TTN: variants seen among roughly 807,000 people sequenced by gnomAD.
TTN encodes connectin.
TTN carries 1,525 observed loss-of-function variants against 3,223.0 expected under a neutral mutation model. The ratio of observed to expected loss-of-function variants is 0.47; its 90% confidence interval spans 0.45 to 0.49. The LOEUF (loss-of-function observed/expected upper bound fraction) is 0.49, where lower values mean the gene tolerates loss of function less well. Ranked by LOEUF, TTN falls within the 20% of genes least tolerant of loss-of-function variation. TTN has a pLI of 0.00. For synonymous variants in TTN, 14,094 were observed against 15,161.0 expected (o/e 0.93, Z 5.17); for missense variants, 40,786 against 43,424.0 (o/e 0.94, Z 5.40).
Position 178,731,584 on chromosome 2 carries a change from C to G in TTN, c.17183-1G>C. 6.3e-7 allele frequency: 1 copy of G among 1,588,922 alleles called. No individual in the cohort carries two copies. The highest frequency in any genetic ancestry group is 2.2e-5 in the East Asian group (1 of 44,470). On this transcript the variant is annotated splice_acceptor_variant, in intron 58 of 362. Coordinates refer to ENST00000589042, the MANE Select transcript of TTN (RefSeq NM_001267550.2). LOFTEE classifies it high-confidence loss of function. Reference sequence around the variant, plus strand: ...ATCTTCTTTATGAAGGATGGGGGTTCTAACAGAAGAATGAATTCTCAATCA... The same window carrying G: ...ATCTTCTTTATGAAGGATGGGGGTTGTAACAGAAGAATGAATTCTCAATCA...
In TTN at chr2:178,720,625, C is replaced by T. The variant is rs778331160; in HGVS notation, c.23137G>A (p.Ala7713Thr). Residue 7713 changes from alanine (A) to threonine (T), a missense_variant, in exon 80 of 363, where the codon GCT becomes ACT. Transcript: ENST00000589042. ...AGAATCACATCAGAACCTTTAAGAGCTCCTACTGGAGAAGGCTTCTGGGTG... is the reference window on the plus strand; with the variant it reads ...AGAATCACATCAGAACCTTTAAGAGTTCCTACTGGAGAAGGCTTCTGGGTG... ...VFTQKPSPVG[A>T]LKGSDVILQC... 3 of 1,607,474 alleles carry T rather than the reference C, an allele frequency of 1.9e-6. No homozygotes were observed. Among genetic ancestry groups the T allele is most frequent in the South Asian group, 2.2e-5 (2 of 89,514 alleles).
rs760530855 is a variant in TTN, at chr2:178,614,103, C to G, written c.49294G>C (p.Gly16432Arg). 2 of 1,612,406 alleles carry G rather than the reference C, an allele frequency of 1.2e-6. No homozygotes were observed. The highest frequency in any genetic ancestry group is 1.3e-5 in the African/African-American group (1 of 74,888). The stretch of plus-strand genomic sequence containing the variant: ...GAGGCCTGAACTGGTTCACCAACAC[C>G]ATACATGTTTTCTGCAGCAACTCTG... ...IFRVAAENMY[G>R]VGEPVQASPI... Residue 16432 changes from glycine (G) to arginine (R), a missense_variant, in exon 262 of 363, where the codon GGT becomes CGT. Transcript: ENST00000589042.
rs753077711 is a variant in TTN, at chr2:178,582,196, C to T, written c.66173G>A (p.Arg22058His). 3.7e-6 allele frequency: 6 copies of T among 1,607,580 alleles called. No homozygotes were observed. Among genetic ancestry groups the T allele is most frequent in the South Asian group, 3.4e-5 (3 of 89,352 alleles). The change falls in exon 315 of 363, where the codon CGC becomes CAC. Residue 22058 changes from arginine (R) to histidine (H), a missense_variant. Arg to His is a conservative substitution (Grantham distance 29, BLOSUM62 0). Coordinates refer to ENST00000589042, the MANE Select transcript of TTN (RefSeq NM_001267550.2). ...GTTGCTAATAACAGGAGGATCACAG[C>T]GTCCTGGTGGGTCTGCAGAAATTGA... ...IAKNPYDPPG[R>H]CDPPVISNIT...
At chr2:178,742,294 ATTG>A (rs1297723127) in intron 47 of TTN, among the ~76,000 whole-genome samples, 1 of 152,132 alleles carries the variant, frequency 6.6e-6, no homozygotes, top group Non-Finnish European at 1.5e-5. Flanking sequence ...AAGATCCAGA[ATTG>A]TTATTTATAT....
Position 178,721,844 on chromosome 2 carries a change from T to TA in TTN, c.22816+2dup. On this transcript the variant is annotated splice_region_variant and intron_variant, in intron 78 of 362. Transcript: ENST00000589042. ...AATATTGTCAAAAGTCATGGAATGA[T>TA]ACCTTTTACACTGAGCTGAGCTGAG... is the stretch of plus-strand genomic sequence containing the variant. 6.5e-7 allele frequency: 1 copy of TA among 1,547,246 alleles called. No individual in the cohort carries two copies. Among genetic ancestry groups the TA allele is most frequent in the Non-Finnish European group, 8.7e-7 (1 of 1,146,304 alleles).
rs878854327 is a variant in TTN at position 178,581,724 on chromosome 2, A to C, written c.66544T>G (p.Tyr22182Asp). The change falls in exon 316 of 363, where the codon TAT becomes GAT. Residue 22182 changes from tyrosine to aspartate, a missense_variant. Transcript: ENST00000589042. ...CCAATGATAGGGCTGCCGCCGTCAT[A>C]GGCTGGCTTGCCCCAAGATAGACTC... Reference protein sequence around the residue: ...SVSLSWGKPAYDGGSPIIGYL... With the variant: ...SVSLSWGKPADDGGSPIIGYL... The C allele has an allele frequency of 3.1e-6, 5 of 1,610,080 alleles. No homozygotes were observed. In the African/African-American group the frequency reaches 6.7e-5, roughly 22 times the overall value.
chr2:178,747,908 C>A (rs150615457), intron 47 of TTN: 2 of 1,613,174 alleles, frequency 1.2e-6, no homozygotes, highest in East Asian at 4.5e-5. Flanking sequence ...GAGTGGGAAG[C>A]ACTGACTCAG....
rs1282647790 is a variant in TTN at position 178,784,277 on chromosome 2, G to A, written c.2568C>T (p.Thr856=). 2 of 1,613,950 alleles carry A rather than the reference G, an allele frequency of 1.2e-6. No homozygotes were observed. Among genetic ancestry groups the A allele is most frequent in the Admixed American group, 1.7e-5 (1 of 60,000 alleles). Reference sequence around the variant, plus strand: ...TCACAGTAGGAGCCTTCACCGATTTGGTGATCTTCTGAGCAGAAGATGTGG... The same window carrying A: ...TCACAGTAGGAGCCTTCACCGATTTAGTGATCTTCTGAGCAGAAGATGTGG... ...LSATSSAQKI[T]KSVKAPTVKP... is the part of the protein sequence containing the mutation. Residue 856 remains threonine (T), a synonymous_variant, in exon 16 of 363, where the codon ACC becomes ACT. Transcript: ENST00000589042.
Position 178,549,416 on chromosome 2 carries a change from G to T in TTN, c.92210C>A (p.Thr30737Asn). The T allele has an allele frequency of 1.9e-6, 3 of 1,613,144 alleles. No individual in the cohort carries two copies. Among genetic ancestry groups the T allele is most frequent in the Non-Finnish European group, 2.5e-6 (3 of 1,179,266 alleles). Residue 30737 changes from threonine (T) to asparagine (N), a missense_variant, in exon 339 of 363, where the codon ACC (threonine) becomes AAC (asparagine). Thr to Asn is a moderately conservative substitution (Grantham distance 65). Transcript: ENST00000589042. The part of the protein sequence containing the change: ...EPSNITGNSI[T>N]LTWARPESDG... ...TGATTCTGGCCTTGCCCATGTCAGG[G>T]TAATGCTGTTGCCTGTTATGTTGCT...
Position 178,722,689 on chromosome 2 carries a change from C to T in TTN, c.22210G>A (p.Ala7404Thr). The change falls in exon 76 of 363, where the codon GCT (alanine) becomes ACT (threonine). Residue 7404 changes from alanine (A) to threonine (T), a missense_variant. By Grantham distance (58) the Ala-to-Thr change is moderately conservative. Transcript: ENST00000589042. ...ATTCTGAACACAGTCTTAGAAGAAG[C>T]AGTTCCTATACTATTTTCTGCTTTG... ...TCKAENSIGT[A>T]SSKTVFRIQE... The T allele has an allele frequency of 6.2e-7, 1 of 1,612,550 alleles. No individual in the cohort carries two copies. The highest frequency in any genetic ancestry group is 1.7e-5 in the Admixed American group (1 of 59,926).
In TTN at chr2:178,613,729, T is replaced by G. The variant is rs762053083; in HGVS notation, c.49532+22A>C. 6.2e-6 allele frequency: 10 copies of G among 1,607,466 alleles called. No individual in the cohort carries two copies. In the Admixed American group the frequency reaches 1.7e-4, roughly 27 times the overall value. ...TTGAATATACTGCTGTCTTAACATC[T>G]TGATGGGGATTCTGAGCATACCTGT... On this transcript the variant is annotated intron_variant, in intron 263 of 362. Coordinates refer to ENST00000589042, the MANE Select transcript of TTN (RefSeq NM_001267550.2).
Position 178,631,066 on chromosome 2 carries a change from G to A in TTN, c.43982C>T (p.Thr14661Ile), listed in dbSNP as rs370339661. Reference sequence around the variant, plus strand: ...GTCAAGTTTTCCTGAGGTCTTATCTGTCCCACAGTCACAGGTGTACTGTCC... The same window carrying A: ...GTCAAGTTTTCCTGAGGTCTTATCTATCCCACAGTCACAGGTGTACTGTCC... ...DIGQYTCDCG[T>I]DKTSGKLDIE... is the part of the protein sequence containing the mutation. The change falls in exon 237 of 363, where the codon ACA becomes ATA. Residue 14661 changes from threonine (T) to isoleucine (I), a missense_variant. Transcript: ENST00000589042. The A allele has an allele frequency of 6.2e-7, 1 of 1,613,122 alleles. No homozygotes were observed. Among genetic ancestry groups the A allele is most frequent in the African/African-American group, 1.3e-5 (1 of 74,874 alleles).
At chr2:178,763,210 C>T (rs1213842471) in intron 43 of TTN, among the ~76,000 whole-genome samples, 2 of 152,076 alleles carry the variant, frequency 1.3e-5, no homozygotes, top group Non-Finnish European at 2.9e-5. Flanking sequence ...GAAGTGGTTC[C>T]ACATATATTG....
At chr2:178,693,533 T>G (rs550797069) in intron 119 of TTN, 76 bp downstream of exon 119, 1 of 1,053,968 alleles carries the variant, frequency 9.5e-7, no homozygotes, top group South Asian at 1.9e-5. Context: ...TATTTAATAC[T>G]AACATAAATG....
chr2:178,803,442 C>T (rs999894180), intron 2 of TTN, among the ~76,000 whole-genome samples: 1 of 151,336 alleles, frequency 6.6e-6, no homozygotes, highest in African/African-American at 2.4e-5. Flanking sequence ...GTCGGTAAGA[C>T]TTATTTTCTA....
chr2:178,589,877 C>G lies in TTN; in HGVS notation c.61848G>C (p.Trp20616Cys). The G allele has an allele frequency of 6.2e-7, 1 of 1,613,406 alleles. No homozygotes were observed. Among genetic ancestry groups the G allele is most frequent in the Non-Finnish European group, 8.5e-7 (1 of 1,179,590 alleles). The change falls in exon 304 of 363, where the codon TGG becomes TGC. Residue 20616 changes from tryptophan (W) to cysteine (C), a missense_variant. Transcript: ENST00000589042. ...TAGTGACATCTGATGCAACAATTGACCAGCCTTTCTGGTTTGGTTTGCGAT... is the reference window on the plus strand; with the variant it reads ...TAGTGACATCTGATGCAACAATTGAGCAGCCTTTCTGGTTTGGTTTGCGAT... ...VEYRKPNQKG[W>C]SIVASDVTKR...
chr2:178,756,912 A>G, intron 45 of TTN, 115 bp from the exon 46 acceptor site: 1 of 922,946 alleles, frequency 1.1e-6, no homozygotes, highest in Non-Finnish European at 1.6e-6. Context: ...CGTAGTTGTC[A>G]CTTGAAAGCA....
In TTN at chr2:178,730,086, A is replaced by G; in HGVS notation, c.18307+7T>C. 1 of 1,600,976 alleles carries G rather than the reference A, an allele frequency of 6.2e-7. No individual in the cohort carries two copies. On this transcript the variant is annotated splice_region_variant and intron_variant, in intron 62 of 362. Coordinates refer to ENST00000589042, the MANE Select transcript of TTN (RefSeq NM_001267550.2). ...AGCAAGAAAGTGAGGAGATGTAGAGACCAGACCTTTTACAAAGAGAGTGGC... is the reference window on the plus strand; with the variant it reads ...AGCAAGAAAGTGAGGAGATGTAGAGGCCAGACCTTTTACAAAGAGAGTGGC...
rs779029840 is a variant in TTN at position 178,725,748 on chromosome 2, T to C, written c.20554+20A>G. ...TTGCACATTTATGACATTTCTGCCATGTGGATGAACTATATTTACCTTTCA... is the reference window on the plus strand; with the variant it reads ...TTGCACATTTATGACATTTCTGCCACGTGGATGAACTATATTTACCTTTCA... On this transcript the variant is annotated intron_variant, in intron 70 of 362. Transcript: ENST00000589042. The C allele has an allele frequency of 1.3e-6, 2 of 1,564,848 alleles. No homozygotes were observed. Among genetic ancestry groups the C allele is most frequent in the Non-Finnish European group, 1.7e-6 (2 of 1,154,004 alleles).
Sources: allele counts gnomAD v4.1 joint callset (sites outside exome capture counted in the v4.1 genomes callset), GRCh38; gene constraint gnomAD v4.1.1; transcripts MANE v1.5; gene names NCBI Gene and HGNC (gene_info 2026-07-23, HGNC 2026-07-21).